The following CCDC33 variants were observed in gnomAD, a reference collection of about 807,000 sequenced individuals.
CCDC33 encodes the protein coiled-coil domain containing 33, also known as coiled-coil domain-containing protein 33.
In CCDC33, 94 loss-of-function variants were observed where a neutral mutation model predicts 91.9. The observed-to-expected ratio is 1.02, with a 90% CI of 0.87 to 1.21. CCDC33 has a LOEUF of 1.21. CCDC33 is among the 50% of genes most tolerant of loss of function. CCDC33 has a pLI of 0.00. For missense variants in CCDC33, 940 were observed against 935.5 expected, an observed-to-expected ratio of 1.00 and a Z score of -0.06; for synonymous variants, 396 against 374.5, an observed-to-expected ratio of 1.06 and a Z score of -0.66.
intron 11 of CCDC33, among the ~76,000 whole-genome samples, chr15:74,327,669 G>A (rs372936490): frequency 1.3e-5 from 2 of 152,068 alleles, no homozygotes; most frequent in Non-Finnish European, 2.9e-5. Context: ...CTCTGCTCAT[G>A]CCCCAAAACA....
chr15:74,223,073 G>A (rs1002731573), intron 2 of CCDC33, among the ~76,000 whole-genome samples: 2 of 152,086 alleles, frequency 1.3e-5, no homozygotes, highest in African/African-American at 4.8e-5. Context: ...TTTAATCTCA[G>A]GGGTGCAGCA....
intron 1 of CCDC33, among the ~76,000 whole-genome samples, chr15:74,208,241 T>C (rs780488688): frequency 6.6e-6 from 1 of 152,008 alleles, no homozygotes; most frequent in Non-Finnish European, 1.5e-5. Flanking sequence ...GAGGCCCCCA[T>C]CAAGGGAGGC....
intron 10 of CCDC33, among the ~76,000 whole-genome samples, chr15:74,291,198 T>C (rs2059578224): frequency 6.6e-6 from 1 of 152,218 alleles, no homozygotes; most frequent in Non-Finnish European, 1.5e-5. Context: ...AGGCTCGCTG[T>C]ATGCAGGGGA....
Position 74,244,045 on chromosome 15 carries a change from C to T in CCDC33, c.82C>T (p.His28Tyr). 6.3e-7 allele frequency: 1 copy of T among 1,588,790 alleles called. No individual in the cohort carries two copies. The highest frequency in any genetic ancestry group is 8.6e-7 in the Non-Finnish European group (1 of 1,165,556). Residue 28 changes from histidine to tyrosine, a missense_variant, in exon 2 of 19, where the codon CAC (histidine) becomes TAC (tyrosine). Coordinates refer to ENST00000398814, the MANE Select transcript of CCDC33 (RefSeq NM_025055.5). The surrounding 1 kb of genome is among the most constrained non-coding windows in gnomAD (Gnocchi z 4.2). The stretch of plus-strand genomic sequence containing the variant: ...CCAGAGCACGGAACCTGAGATCGGT[C>T]ACCTGTCTCCCTCTAAGAAGGAGAC... ...ASQSTEPEIG[H>Y]LSPSKKETIM...
At chr15:74,270,430 T>C (rs984558624) in intron 5 of CCDC33, among the ~76,000 whole-genome samples, 5 of 152,034 alleles carry the variant, frequency 3.3e-5, no homozygotes, top group Non-Finnish European at 1.5e-5. Context: ...TGGGGGCCTG[T>C]CGGGAGACAC....
chr15:74,315,327 G>A (rs1426220167), intron 11 of CCDC33, among the ~76,000 whole-genome samples: 2 of 152,246 alleles, frequency 1.3e-5, no homozygotes, highest in Non-Finnish European at 2.9e-5. Flanking sequence ...GATGAGTGAT[G>A]AAGCATGAGC....
At chr15:74,254,451 C>G (rs1033238476) in intron 2 of CCDC33, among the ~76,000 whole-genome samples, 1 of 152,226 alleles carries the variant, frequency 6.6e-6, no homozygotes, top group Non-Finnish European at 1.5e-5. Context: ...CATTGTTCCT[C>G]TCCTGAACCC....
At chr15:74,330,484 C>T (rs1288553330) in intron 12 of CCDC33, 130 bp downstream of exon 12, 9 of 1,164,626 alleles carry the variant, frequency 7.7e-6, no homozygotes, top group Middle Eastern at 5.8e-4. Flanking sequence ...AGGAGCCCCT[C>T]GCCCACAGAC....
In CCDC33 at chr15:74,326,364, G is replaced by C. The variant is rs1013823011; in HGVS notation, c.1291-3825G>C. 9.9e-5 allele frequency among the ~76,000 whole-genome samples: 15 copies of C among 152,250 alleles called. 1 individual carries two copies. Among genetic ancestry groups the C allele is most frequent in the Admixed American group, 9.2e-4 (14 of 15,286 alleles). On this transcript the variant is annotated intron_variant, in intron 11 of 18. Transcript: ENST00000398814. Reference sequence around the variant, plus strand: ...CACTCAGAAGGTGGTGGAGGAAAAAGAGATGCTGTTGCCAGGCACCCTGTG... The same window carrying C: ...CACTCAGAAGGTGGTGGAGGAAAAACAGATGCTGTTGCCAGGCACCCTGTG...
intron 11 of CCDC33, among the ~76,000 whole-genome samples, chr15:74,310,321 G>A (rs1008212583): frequency 1.3e-5 from 2 of 151,998 alleles, no homozygotes; most frequent in Non-Finnish European, 2.9e-5. Flanking sequence ...GGCAGATCAC[G>A]AGGTCAAGAG....
In CCDC33 at chr15:74,218,569, G is replaced by A. The variant is rs1439769647; in HGVS notation, c.383G>A (p.Gly128Glu). The A allele has an allele frequency of 7.8e-7, 1 of 1,289,790 alleles. No individual in the cohort carries two copies. Among genetic ancestry groups the A allele is most frequent in the South Asian group, 1.2e-5 (1 of 81,022 alleles). 79.9% of individuals were successfully genotyped at this position (1,289,790 alleles called of 1,614,324 possible). ...GCACTGAGGCTGGACGAACCCTTGGGACGGGCAGCCCAGCGGGTGGGTGAG... is the reference window on the plus strand; with the variant it reads ...GCACTGAGGCTGGACGAACCCTTGGAACGGGCAGCCCAGCGGGTGGGTGAG... The change falls in exon 2 of 3, where the codon GGA becomes GAA. Residue 128 changes from glycine to glutamate, a missense_variant. Coordinates refer to the CCDC33 transcript ENST00000635913. The surrounding 1 kb of genome is among the most constrained non-coding windows in gnomAD (Gnocchi z 4.8).
At position 74,280,847 on chromosome 15, in the gene CCDC33, C is replaced by G. The variant is rs375202547; in HGVS notation, c.1023+46C>G. ...TGGGCCCCTAGCGTGCCCACCTGGC[C>G]CCACCCTGCCTCACCCTGCCCCACC... is the stretch of plus-strand genomic sequence containing the variant. On this transcript the variant is annotated intron_variant, in intron 9 of 18. Coordinates refer to ENST00000398814, the MANE Select transcript of CCDC33 (RefSeq NM_025055.5). The G allele has an allele frequency of 6.9e-4, 969 of 1,402,410 alleles. 1 individual carries two copies. Among genetic ancestry groups the G allele is most frequent in the Non-Finnish European group, 8.6e-4 (917 of 1,070,148 alleles). 86.9% of individuals were successfully genotyped at this position (1,402,410 alleles called of 1,614,324 possible). A position where few individuals can be genotyped will look rare whatever the true frequency, so the allele number is the denominator to read the frequency against.
chr15:74,218,988 C>G lies in CCDC33; in HGVS notation c.675+127C>G, dbSNP rs553100643. 2 of 983,564 alleles carry G rather than the reference C, an allele frequency of 2.0e-6. No individual in the cohort carries two copies. Among genetic ancestry groups the G allele is most frequent in the African/African-American group, 3.4e-5 (2 of 58,358 alleles). 60.9% of individuals were successfully genotyped at this position (983,564 alleles called of 1,614,324 possible). A position where few individuals can be genotyped will look rare whatever the true frequency, so the allele number is the denominator to read the frequency against. On this transcript the variant is annotated intron_variant, in intron 2 of 2. Transcript: ENST00000635913. This position sits in a 1 kb window ranked among gnomAD's most constrained non-coding sequence, Gnocchi z 4.8. ...CAGAGCAGCAGAGCTCCCAAGGCTG[C>G]CATGTTCAGTCTGAGGAACGTGCAG...
At chr15:74,320,451 C>A (rs1043637822) in intron 11 of CCDC33, among the ~76,000 whole-genome samples, 1 of 152,022 alleles carries the variant, frequency 6.6e-6, no homozygotes, top group African/African-American at 2.4e-5. Flanking sequence ...GAGCCATGTC[C>A]CACACAAGGC....
chr15:74,281,523 A>C (rs1490402057), intron 9 of CCDC33, among the ~76,000 whole-genome samples: 2 of 152,198 alleles, frequency 1.3e-5, no homozygotes, highest in Non-Finnish European at 2.9e-5. Flanking sequence ...ATCCTGACAT[A>C]ATAGACCTCA....
intron 7 of CCDC33, among the ~76,000 whole-genome samples, chr15:74,277,453 A>G (rs1480478837): frequency 6.6e-6 from 1 of 152,238 alleles, no homozygotes; most frequent in East Asian, 1.9e-4. Flanking sequence ...CAGGGGAAGC[A>G]GGTCTGCCTC....
At chr15:74,207,661 G>A in intron 1 of CCDC33, 1 of 1,520,610 alleles carries the variant, frequency 6.6e-7, no homozygotes, top group Non-Finnish European at 8.8e-7. Context: ...CGCAAGAGAG[G>A]CGTTCCAGGA....
At chr15:74,326,441 C>A (rs1567037009) in intron 11 of CCDC33, among the ~76,000 whole-genome samples, 1 of 152,246 alleles carries the variant, frequency 6.6e-6, no homozygotes, top group African/African-American at 2.4e-5. Flanking sequence ...CCACAGCAAC[C>A]CCCCTTGGGG....
Position 74,295,780 on chromosome 15 carries a change from C to T in CCDC33, c.1122C>T (p.Asn374=). ...GACCAGAAAACTTCTTGACACCAAACAACAGCAAGGCTCTTCCTACCTTGG... is the reference window on the plus strand; with the variant it reads ...GACCAGAAAACTTCTTGACACCAAATAACAGCAAGGCTCTTCCTACCTTGG... ...SERPENFLTP[N]NSKALPTLDP... is the part of the protein sequence containing the mutation. Residue 374 remains asparagine (N), a synonymous_variant, in exon 11 of 19, where the codon AAC becomes AAT. Coordinates refer to ENST00000398814, the MANE Select transcript of CCDC33 (RefSeq NM_025055.5). The T allele has an allele frequency of 6.2e-7, 1 of 1,613,404 alleles. No individual in the cohort carries two copies. The highest frequency in any genetic ancestry group is 1.1e-5 in the South Asian group (1 of 90,954).
Sources: gnomAD v4.1 joint callset for allele counts (sites outside exome capture counted in the v4.1 genomes callset) on GRCh38, gnomAD v4.1.1 for gene constraint, Gnocchi (gnomAD v3.1) non-coding constraint, MANE v1.5 for transcripts, NCBI Gene and HGNC (gene_info 2026-07-23, HGNC 2026-07-21) for gene names.